The following MYO18B variants were observed in gnomAD, a reference collection of about 807,000 sequenced individuals.
MYO18B encodes the protein unconventional myosin-XVIIIb.
Under a neutral mutation model 273.0 loss-of-function variants are expected in MYO18B, and 204 were observed. The observed-to-expected ratio is 0.75, with a 90% CI of 0.67 to 0.84. The LOEUF (loss-of-function observed/expected upper bound fraction) is 0.84, where lower values mean the gene tolerates loss of function less well. Among genes scored for constraint, MYO18B ranks in the 40% least tolerant of loss-of-function variants. The pLI, the probability that MYO18B is intolerant of heterozygous loss-of-function variation, is 0.00. For missense variants in MYO18B, 3,212 were observed against 3,287.6 expected (o/e 0.98, Z 0.56); for synonymous variants, 1,330 against 1,305.7 (o/e 1.02, Z -0.40).
rs969113044 is a variant in MYO18B, at chr22:25,955,302, A to G, written c.6094A>G (p.Lys2032Glu). ...QYYQRRLEELKADMEELVQRE... is the reference protein window; with the variant it reads ...QYYQRRLEELEADMEELVQRE... ...CTACCAGCGGCGCCTGGAAGAGCTG[A>G]AGGCCGACATGGAAGAGCTGGTGCA... The change falls in exon 39 of 44, where the codon AAG (lysine) becomes GAG (glutamate). Residue 2032 changes from lysine (K) to glutamate (E), a missense_variant. By Grantham distance (56) the Lys-to-Glu change is moderately conservative. Transcript: ENST00000335473. The G allele has an allele frequency of 1.9e-6, 3 of 1,613,618 alleles. No homozygotes were observed. The African/African-American group carries it at 4.0e-5, about 22-fold the overall frequency.
At chr22:25,955,795 A>G (rs2092844695) in intron 39 of MYO18B, among the ~76,000 whole-genome samples, 2 of 152,144 alleles carry the variant, frequency 1.3e-5, no homozygotes, top group African/African-American at 4.8e-5. Flanking sequence ...TATTGCCCCC[A>G]TTTCACAGAT....
intron 33 of MYO18B, among the ~76,000 whole-genome samples, chr22:25,913,230 T>A (rs1325687212): frequency 6.6e-6 from 1 of 152,226 alleles, no homozygotes; most frequent in Non-Finnish European, 1.5e-5. Context: ...AAATTTTACT[T>A]CTTCATGTCC....
chr22:25,800,170 T>C (rs991950394), intron 12 of MYO18B, among the ~76,000 whole-genome samples: 1 of 151,816 alleles, frequency 6.6e-6, no homozygotes. Context: ...ATAATAGACT[T>C]TGGGGACTCA....
chr22:26,043,814 G>T, the MYO18B span, among the ~76,000 whole-genome samples: 1 of 152,036 alleles, frequency 6.6e-6, no homozygotes, highest in East Asian at 1.9e-4. Context: ...ACTGCACCCG[G>T]CCTTCTTTTT....
At chr22:25,762,682 T>C (rs2086365208) in intron 2 of MYO18B, among the ~76,000 whole-genome samples, 1 of 152,276 alleles carries the variant, frequency 6.6e-6, no homozygotes, top group Non-Finnish European at 1.5e-5. Flanking sequence ...CACAGCACTG[T>C]GTCAGTTGAA....
At chr22:25,937,100 G>A (rs2092588146) in intron 34 of MYO18B, among the ~76,000 whole-genome samples, 1 of 148,818 alleles carries the variant, frequency 6.7e-6, no homozygotes, top group Non-Finnish European at 1.5e-5. Context: ...TTTTTTTTGA[G>A]ACAGAATCTT....
the MYO18B span, among the ~76,000 whole-genome samples, chr22:26,047,404 G>A: frequency 1.2e-4 from 19 of 152,214 alleles, no homozygotes; most frequent in Non-Finnish European, 2.5e-4. Context: ...GGGATTACAG[G>A]CGTGAGCCAC....
At chr22:25,802,742 GA>G in intron 12 of MYO18B, among the ~76,000 whole-genome samples, 1 of 107,978 alleles carries the variant, frequency 9.3e-6, no homozygotes, top group South Asian at 3.8e-4. Flanking sequence ...GACAGAGCAA[GA>G]CTCTGTCTCA....
intron 42 of MYO18B, among the ~76,000 whole-genome samples, chr22:26,020,029 GGAA>G (rs1601847692): frequency 1.3e-5 from 2 of 152,106 alleles, no homozygotes; most frequent in Non-Finnish European, 2.9e-5. Context: ...GTGATGTAGT[GGAA>G]GAAGAAGAAT....
At chr22:26,052,949 C>T in the MYO18B span, among the ~76,000 whole-genome samples, 2 of 151,714 alleles carry the variant, frequency 1.3e-5, no homozygotes, top group African/African-American at 4.8e-5. Context: ...ACTACAGGCG[C>T]CTGCCACCAC....
chr22:25,782,179 A>G (rs978259023), intron 10 of MYO18B, among the ~76,000 whole-genome samples: 1 of 152,192 alleles, frequency 6.6e-6, no homozygotes, highest in Non-Finnish European at 1.5e-5. Context: ...TGGAAACAAC[A>G]CCTTGCATAG....
In MYO18B at chr22:25,768,720, C is replaced by T. The variant is rs557337869; in HGVS notation, c.804C>T (p.Pro268=). ...PQGKDRQGTR[P]QAQGPGEGVR... ...GCAAAGACAGGCAGGGGACCAGGCC[C>T]CAAGCCCAAGGGCCCGGCGAGGGGG... is the stretch of plus-strand genomic sequence containing the variant. The change falls in exon 4 of 44, where the codon CCC becomes CCT. Residue 268 remains proline, a synonymous_variant. Coordinates refer to ENST00000335473, the MANE Select transcript of MYO18B (RefSeq NM_032608.7). The T allele has an allele frequency of 4.2e-5, 66 of 1,590,178 alleles. 2 individuals are homozygous for T. In the South Asian group the frequency reaches 7.4e-4, roughly 18 times the overall value.
intron 34 of MYO18B, among the ~76,000 whole-genome samples, chr22:25,940,995 G>C (rs1053875865): frequency 6.6e-6 from 1 of 152,204 alleles, no homozygotes; most frequent in Admixed American, 6.5e-5. Context: ...GATTTAATTA[G>C]AGAACAATAG....
chr22:25,968,183 C>A (rs1207847648), intron 39 of MYO18B, among the ~76,000 whole-genome samples: 2 of 152,164 alleles, frequency 1.3e-5, no homozygotes, highest in Non-Finnish European at 2.9e-5. Context: ...ATCTCATTGA[C>A]CCTGATTGGC....
In MYO18B at chr22:25,899,612, G is replaced by A. The variant is rs980834681; in HGVS notation, c.4823+1151G>A. 4.6e-5 allele frequency: 7 copies of A among 152,316 alleles called. No homozygotes were observed. In the East Asian group the frequency reaches 1.4e-3, roughly 29 times the overall value. 9.4% of individuals were successfully genotyped at this position (152,316 alleles called of 1,614,324 possible). ...GACAAAGGTCTTTGGGGGATTGTTA[G>A]CGTGCTCTGCATCCCCAAAATAAGA... On this transcript the variant is annotated intron_variant, in intron 29 of 43. Coordinates refer to ENST00000335473, the MANE Select transcript of MYO18B (RefSeq NM_032608.7).
intron 42 of MYO18B, among the ~76,000 whole-genome samples, chr22:26,018,057 C>T (rs939672587): frequency 6.8e-6 from 1 of 146,610 alleles, no homozygotes; most frequent in African/African-American, 2.5e-5. Context: ...AAATCACTGA[C>T]CTTAGTCCCT....
At chr22:26,001,474 T>C (rs1933944196) in intron 40 of MYO18B, among the ~76,000 whole-genome samples, 1 of 152,198 alleles carries the variant, frequency 6.6e-6, no homozygotes, top group Admixed American at 6.5e-5. Flanking sequence ...GGAGGAGCTC[T>C]GGCCTTTGGT....
chr22:26,015,312 GGAATA>G, intron 42 of MYO18B, among the ~76,000 whole-genome samples: 1 of 152,092 alleles, frequency 6.6e-6, no homozygotes, highest in African/African-American at 2.4e-5. Context: ...TATACCCAAA[GGAATA>G]TAAATTGTTT....
intron 1 of MYO18B, among the ~76,000 whole-genome samples, chr22:25,758,298 C>A (rs1008898278): frequency 3.3e-5 from 5 of 151,478 alleles, no homozygotes; most frequent in Admixed American, 3.3e-4. Flanking sequence ...AGATGTGAGC[C>A]ACCACAACTG....
Sources: allele counts gnomAD v4.1 joint callset (sites outside exome capture counted in the v4.1 genomes callset), GRCh38; gene constraint gnomAD v4.1.1; transcripts MANE v1.5; gene names NCBI Gene and HGNC (gene_info 2026-07-23, HGNC 2026-07-21).